ADGRL3: variants seen among roughly 807,000 people sequenced by gnomAD.
ADGRL3 encodes the protein calcium-independent alpha-latrotoxin receptor 3.
ADGRL3 carries 62 observed loss-of-function variants against 153.5 expected under a neutral mutation model. The ratio of observed to expected loss-of-function variants is 0.40; its 90% CI spans 0.33 to 0.50. ADGRL3 has a LOEUF of 0.50. ADGRL3 is among the 20% of genes least tolerant of loss of function. The pLI is 0.47. For missense variants in ADGRL3, 1,641 were observed against 1,859.4 expected (o/e 0.88, Z 2.16); for synonymous variants, 710 against 672.5 (o/e 1.06, Z -0.86).
chr4:61,784,797 G>A (rs528936786), intron 8 of ADGRL3, among the ~76,000 whole-genome samples: 33 of 152,198 alleles, frequency 2.2e-4, no homozygotes, highest in South Asian at 1.9e-3. Flanking sequence ...TCCAATAGAC[G>A]AAAGGTTGAA....
chr4:61,371,849 C>G (rs935878426), intron 1 of ADGRL3, among the ~76,000 whole-genome samples: 3 of 152,230 alleles, frequency 2.0e-5, no homozygotes, highest in East Asian at 1.9e-4. Flanking sequence ...TCCATTCTCC[C>G]CATCACTTTC....
chr4:61,461,868 C>T (rs1402660172), intron 2 of ADGRL3, among the ~76,000 whole-genome samples: 1 of 152,142 alleles, frequency 6.6e-6, no homozygotes, highest in Non-Finnish European at 1.5e-5. Context: ...TGGAATGTGT[C>T]AGCTCAGAAA....
chr4:61,502,487 T>G (rs1443401040), intron 3 of ADGRL3, among the ~76,000 whole-genome samples: 1 of 22,290 alleles, frequency 4.5e-5, no homozygotes, highest in African/African-American at 2.1e-4. Flanking sequence ...TATACATGTT[T>G]TTTTTTTTTT....
intron 6 of ADGRL3, among the ~76,000 whole-genome samples, chr4:61,679,252 C>T (rs574542897): frequency 7.9e-5 from 12 of 151,956 alleles, no homozygotes; most frequent in Non-Finnish European, 1.2e-4. Context: ...TTCATTACCA[C>T]GGGGAGGCCT....
At chr4:61,535,853 T>C (rs981321543) in intron 4 of ADGRL3, among the ~76,000 whole-genome samples, 1 of 152,054 alleles carries the variant, frequency 6.6e-6, no homozygotes, top group African/African-American at 2.4e-5. Context: ...AAATAACCAA[T>C]TTTTTACTTC....
intron 5 of ADGRL3, among the ~76,000 whole-genome samples, chr4:61,612,556 G>T (rs968240672): frequency 1.3e-5 from 2 of 152,126 alleles, no homozygotes; most frequent in African/African-American, 4.8e-5. Context: ...ACTTCTACAG[G>T]ATAGTTATTA....
chr4:61,812,908 T>A (rs1490237583), intron 8 of ADGRL3, among the ~76,000 whole-genome samples: 1 of 152,136 alleles, frequency 6.6e-6, no homozygotes, highest in East Asian at 1.9e-4. Flanking sequence ...TTTTTTTCAT[T>A]AAATACAGTA....
intron 2 of ADGRL3, among the ~76,000 whole-genome samples, chr4:61,439,561 C>T (rs1006619219): frequency 1.2e-4 from 19 of 152,248 alleles, no homozygotes; most frequent in African/African-American, 4.6e-4. Flanking sequence ...CCCATCAACC[C>T]GTCACCTATA....
chr4:61,283,193 C>T (rs1285201363), intron 1 of ADGRL3, among the ~76,000 whole-genome samples: 1 of 152,098 alleles, frequency 6.6e-6, no homozygotes, highest in African/African-American at 2.4e-5. Flanking sequence ...GTATTACACA[C>T]TGCTTGTAAT....
intron 9 of ADGRL3, among the ~76,000 whole-genome samples, chr4:61,822,174 T>G (rs1451896183): frequency 6.6e-6 from 1 of 152,198 alleles, no homozygotes; most frequent in Non-Finnish European, 1.5e-5. Flanking sequence ...ACGGAGTTCT[T>G]TGATTGCATT....
chr4:62,046,772 C>G (rs1278515932), intron 25 of ADGRL3, among the ~76,000 whole-genome samples: 1 of 151,878 alleles, frequency 6.6e-6, no homozygotes, highest in Non-Finnish European at 1.5e-5. Context: ...ATCTTCATTT[C>G]CTGGATTAAT....
chr4:61,651,754 C>T (rs2094261152), intron 5 of ADGRL3, among the ~76,000 whole-genome samples: 1 of 150,242 alleles, frequency 6.7e-6, no homozygotes, highest in Non-Finnish European at 1.5e-5. Context: ...ACTACAGGCT[C>T]ATGCCACCAG....
intron 11 of ADGRL3, among the ~76,000 whole-genome samples, chr4:61,909,199 T>G (rs991730170): frequency 3.3e-5 from 5 of 152,174 alleles, no homozygotes; most frequent in Non-Finnish European, 7.3e-5. Flanking sequence ...CTCTGAGAAC[T>G]TACAATGTGG....
Position 61,645,413 on chromosome 4 carries a change from G to A in ADGRL3, c.474-31413G>A, listed in dbSNP as rs2093926709. Among the ~76,000 whole-genome samples, 4 of 150,992 alleles carry A rather than the reference G, an allele frequency of 2.6e-5. No homozygotes were observed. The South Asian group carries it at 8.5e-4, about 32-fold the overall frequency. ...CTTTACATTTTGGCATGATTTTGCA[G>A]CGGCTGGTACCGGTTGTTCCTTTCC... On this transcript the variant is annotated intron_variant, in intron 5 of 26. Transcript: ENST00000683033.
intron 6 of ADGRL3, among the ~76,000 whole-genome samples, chr4:61,682,779 G>T (rs1456541367): frequency 6.6e-6 from 1 of 151,970 alleles, no homozygotes; most frequent in Non-Finnish European, 1.5e-5. Context: ...GTGCATGGAA[G>T]TTATTCTCAA....
chr4:61,706,083 C>A (rs891033126), intron 6 of ADGRL3, among the ~76,000 whole-genome samples: 7 of 152,140 alleles, frequency 4.6e-5, no homozygotes, highest in African/African-American at 1.4e-4. Flanking sequence ...CAGTTGTTTT[C>A]TCCTATCTAG....
intron 8 of ADGRL3, among the ~76,000 whole-genome samples, chr4:61,794,829 C>T (rs547918234): frequency 3.3e-5 from 5 of 152,326 alleles, no homozygotes; most frequent in African/African-American, 1.2e-4. Context: ...TCAGTTTTCT[C>T]TCATGTTTGC....
At chr4:61,526,293 A>T (rs1362133339) in intron 4 of ADGRL3, among the ~76,000 whole-genome samples, 4 of 152,160 alleles carry the variant, frequency 2.6e-5, no homozygotes, top group Non-Finnish European at 5.9e-5. Context: ...CATAAATCCC[A>T]TATTTTTAAG....
chr4:61,663,802 T>A (rs2094691856), intron 5 of ADGRL3, among the ~76,000 whole-genome samples: 1 of 152,264 alleles, frequency 6.6e-6, no homozygotes, highest in African/African-American at 2.4e-5. Context: ...ATGTTTCAGA[T>A]AATTCATTGT....
Sources: allele counts gnomAD v4.1 joint callset (sites outside exome capture counted in the v4.1 genomes callset), GRCh38; gene constraint gnomAD v4.1.1; transcripts MANE v1.5; gene names NCBI Gene and HGNC (gene_info 2026-07-23, HGNC 2026-07-21).